The following GPC6 variants were observed in gnomAD, a reference collection of about 807,000 sequenced individuals.
The protein encoded by GPC6 is glypican 6, also known as glypican-6.
A neutral mutation model predicts 55.2 loss-of-function variants in GPC6; 14 were observed. That is an observed-to-expected ratio of 0.25 (90% CI 0.17 to 0.40). GPC6 has a LOEUF of 0.40. GPC6 is among the 10% of genes least tolerant of loss of function. The probability of loss-of-function intolerance (pLI) is 1.00; values close to 1 mark genes in which losing one functional copy is unlikely to be tolerated. For synonymous variants in GPC6, 278 were observed against 259.6 expected (o/e 1.07, Z -0.68); for missense variants, 641 against 708.5 (o/e 0.90, Z 1.08).
chr13:93,252,881 G>A (rs1328833404), intron 1 of GPC6, among the ~76,000 whole-genome samples: 1 of 152,214 alleles, frequency 6.6e-6, no homozygotes, highest in Admixed American at 6.5e-5. Flanking sequence ...ATTAAATTGT[G>A]TAATGTAGAG....
At chr13:94,272,308 C>T (rs763742275) in intron 4 of GPC6, among the ~76,000 whole-genome samples, 15 of 151,696 alleles carry the variant, frequency 9.9e-5, no homozygotes, top group Non-Finnish European at 1.9e-4. Context: ...GTCTCTGGGG[C>T]GATTTGGTTT....
intron 1 of GPC6, among the ~76,000 whole-genome samples, chr13:93,310,573 C>G (rs934524713): frequency 6.6e-6 from 1 of 152,132 alleles, no homozygotes; most frequent in Non-Finnish European, 1.5e-5. Context: ...TCCTTAAAGC[C>G]CTTCAAATAT....
chr13:94,266,806 G>C (rs1891833204), intron 4 of GPC6, among the ~76,000 whole-genome samples: 1 of 152,106 alleles, frequency 6.6e-6, no homozygotes, highest in African/African-American at 2.4e-5. Context: ...AGCATATGTT[G>C]GCTGATCAAA....
chr13:93,875,381 C>T (rs1889258756), intron 3 of GPC6, among the ~76,000 whole-genome samples: 2 of 152,032 alleles, frequency 1.3e-5, no homozygotes, highest in African/African-American at 4.8e-5. Flanking sequence ...ATGATAACCA[C>T]CACAATCTCC....
chr13:94,105,138 T>C (rs1886006156), intron 4 of GPC6, among the ~76,000 whole-genome samples: 1 of 152,090 alleles, frequency 6.6e-6, no homozygotes, highest in African/African-American at 2.4e-5. Flanking sequence ...GAGGATCACT[T>C]GAGCCCTGGA....
rs528987169 is a variant in GPC6 at position 94,264,432 on chromosome 13, A to G, written c.878-21917A>G. ...TCGTTACCCTTCTTGTGAAACTTCC[A>G]TCTATGCATTTGCTATGCACACAAG... On this transcript the variant is annotated intron_variant, in intron 4 of 8. Coordinates refer to ENST00000377047, the MANE Select transcript of GPC6 (RefSeq NM_005708.5). Among the ~76,000 whole-genome samples, 4 of 152,338 alleles carry G rather than the reference A, an allele frequency of 2.6e-5. No individual in the cohort carries two copies. The East Asian group carries it at 5.8e-4, about 22-fold the overall frequency.
chr13:93,557,533 G>A (rs1323930457), intron 2 of GPC6, among the ~76,000 whole-genome samples: 1 of 152,166 alleles, frequency 6.6e-6, no homozygotes, highest in Non-Finnish European at 1.5e-5. Flanking sequence ...ACTAGTCCAA[G>A]GTTTACTGAC....
At chr13:93,923,720 A>G (rs985626876) in intron 3 of GPC6, among the ~76,000 whole-genome samples, 4 of 152,188 alleles carry the variant, frequency 2.6e-5, no homozygotes, top group African/African-American at 9.7e-5. Context: ...TAAATAACCC[A>G]TGGTGGAATG....
chr13:93,341,438 T>C (rs1880250897), intron 1 of GPC6, among the ~76,000 whole-genome samples: 1 of 152,228 alleles, frequency 6.6e-6, no homozygotes, highest in South Asian at 2.1e-4. Flanking sequence ...ATAATGTCCA[T>C]TCTTGCACGA....
intron 1 of GPC6, among the ~76,000 whole-genome samples, chr13:93,251,965 GT>G (rs1473713914): frequency 6.6e-6 from 1 of 152,062 alleles, no homozygotes; most frequent in Non-Finnish European, 1.5e-5. Context: ...TTTTTCACAG[GT>G]TTCTGTTTGT....
chr13:93,465,839 G>A (rs1878884314), intron 1 of GPC6, among the ~76,000 whole-genome samples: 1 of 152,086 alleles, frequency 6.6e-6, no homozygotes, highest in Admixed American at 6.6e-5. Context: ...ATAACTTTTA[G>A]CTTTTTCTTT....
At chr13:93,402,477 T>A (rs1048495511) in intron 1 of GPC6, among the ~76,000 whole-genome samples, 2 of 152,186 alleles carry the variant, frequency 1.3e-5, no homozygotes, top group African/African-American at 4.8e-5. Flanking sequence ...CTTTTATCTC[T>A]AGTATTCAAT....
intron 4 of GPC6, among the ~76,000 whole-genome samples, chr13:94,256,926 A>G (rs75306134): frequency 6.6e-6 from 1 of 152,360 alleles, no homozygotes; most frequent in East Asian, 1.9e-4. Flanking sequence ...AGGATAGCAC[A>G]GCGATCTGCC....
chr13:93,251,361 G>A (rs1876781015), intron 1 of GPC6, among the ~76,000 whole-genome samples: 1 of 152,124 alleles, frequency 6.6e-6, no homozygotes, highest in South Asian at 2.1e-4. Flanking sequence ...GCCCTTAGAG[G>A]TGGAAACCTA....
At chr13:94,108,484 C>A (rs781502059) in intron 4 of GPC6, among the ~76,000 whole-genome samples, 4 of 152,074 alleles carry the variant, frequency 2.6e-5, no homozygotes, top group African/African-American at 7.2e-5. Flanking sequence ...CACTAAGGAA[C>A]TTACTCATGT....
chr13:93,292,952 A>G (rs1878365208), intron 1 of GPC6, among the ~76,000 whole-genome samples: 2 of 152,154 alleles, frequency 1.3e-5, no homozygotes, highest in Non-Finnish European at 2.9e-5. Flanking sequence ...ATCTTTGGCC[A>G]GTGTGTCTAG....
intron 2 of GPC6, among the ~76,000 whole-genome samples, chr13:93,690,051 C>A (rs964469355): frequency 5.9e-5 from 9 of 152,050 alleles, no homozygotes; most frequent in Non-Finnish European, 1.2e-4. Flanking sequence ...CAAAGAATAT[C>A]TTTCACTTGG....
intron 1 of GPC6, among the ~76,000 whole-genome samples, chr13:93,481,130 G>A (rs968173917): frequency 2.0e-5 from 3 of 152,154 alleles, no homozygotes; most frequent in Non-Finnish European, 2.9e-5. Flanking sequence ...TATAGTCATC[G>A]CAGTGGTCGT....
rs908119711 is a variant in GPC6, at chr13:93,619,104, A to G, written c.319+73683A>G. Among the ~76,000 whole-genome samples the G allele has an allele frequency of 3.3e-5, 5 of 152,196 alleles. No individual in the cohort carries two copies. In the East Asian group the frequency reaches 5.8e-4, roughly 18 times the overall value. On this transcript the variant is annotated intron_variant, in intron 2 of 8. Transcript: ENST00000377047. Reference sequence around the variant, plus strand: ...ACACCATCATATATATGATCTGTCAATGACAGAAAAGTCATTATGTGGTAC... The same window carrying G: ...ACACCATCATATATATGATCTGTCAGTGACAGAAAAGTCATTATGTGGTAC...
Sources: allele counts gnomAD v4.1 joint callset (sites outside exome capture counted in the v4.1 genomes callset), GRCh38; gene constraint gnomAD v4.1.1; transcripts MANE v1.5; gene names NCBI Gene and HGNC (gene_info 2026-07-23, HGNC 2026-07-21).